MAML2: variants seen among roughly 807,000 people sequenced by gnomAD.
The protein encoded by MAML2 is mastermind like transcriptional coactivator 2.
MAML2 carries 22 observed loss-of-function variants against 96.1 expected under a neutral mutation model. The observed-to-expected ratio is 0.23, with a 90% confidence interval of 0.16 to 0.33. The LOEUF (loss-of-function observed/expected upper bound fraction) is 0.33. Ranked by LOEUF, MAML2 falls within the 10% of genes least tolerant of loss-of-function variation. The probability of loss-of-function intolerance (pLI) is 1.00; values close to 1 mark genes in which losing one functional copy is unlikely to be tolerated. For missense variants in MAML2, 1,367 were observed against 1,392.4 expected (o/e 0.98, Z 0.29); for synonymous variants, 561 against 521.3 (o/e 1.08, Z -1.04).
intron 2 of MAML2, among the ~76,000 whole-genome samples, chr11:96,057,006 G>C (rs1431976972): frequency 6.6e-6 from 1 of 152,192 alleles, no homozygotes; most frequent in Non-Finnish European, 1.5e-5. Context: ...GACTTTCAAT[G>C]ATCTAGTTTC....
intron 2 of MAML2, among the ~76,000 whole-genome samples, chr11:96,046,926 C>T (rs1412087450): frequency 6.6e-6 from 1 of 152,108 alleles, no homozygotes; most frequent in African/African-American, 2.4e-5. Flanking sequence ...AATCATAGTC[C>T]CTACTTTCCA....
At position 96,341,823 on chromosome 11, in the gene MAML2, C is replaced by A; in HGVS notation, c.73G>T (p.Gly25Trp). 6.3e-7 allele frequency: 1 copy of A among 1,588,852 alleles called. No homozygotes were observed. The change falls in exon 1 of 5, where the codon GGG (glycine) becomes TGG (tryptophan). Residue 25 changes from glycine (G) to tryptophan (W), a missense_variant. Gly to Trp is a radical substitution (Grantham distance 184, BLOSUM62 -2). Coordinates refer to ENST00000524717, the MANE Select transcript of MAML2 (RefSeq NM_032427.4). ...GGASGAGLLG[G>W]GSVTPRVHSA... is the part of the protein sequence containing the mutation. ...TGCACTCTCGGGGTGACTGAGCCCCCTCCAAGGAGCCCCGCCCCAGAGGCC... is the reference window on the plus strand; with the variant it reads ...TGCACTCTCGGGGTGACTGAGCCCCATCCAAGGAGCCCCGCCCCAGAGGCC...
At chr11:96,118,203 G>A (rs757189664) in intron 1 of MAML2, among the ~76,000 whole-genome samples, 39 of 152,132 alleles carry the variant, frequency 2.6e-4, no homozygotes, top group Admixed American at 9.8e-4. Flanking sequence ...CTACTTGCAC[G>A]AAAAGACTGT....
chr11:96,002,830 T>G (rs1351370918), intron 2 of MAML2, among the ~76,000 whole-genome samples: 3 of 127,134 alleles, frequency 2.4e-5, no homozygotes, highest in Non-Finnish European at 3.2e-5. Flanking sequence ...ATGAGGAGGA[T>G]GATGGGGATG....
intron 1 of MAML2, among the ~76,000 whole-genome samples, chr11:96,271,750 G>C (rs1487583675): frequency 6.6e-6 from 1 of 152,056 alleles, no homozygotes; most frequent in Non-Finnish European, 1.5e-5. Context: ...CCAGCCTCAG[G>C]TATGTCTTTA....
intron 1 of MAML2, among the ~76,000 whole-genome samples, chr11:96,334,056 C>T (rs984690072): frequency 6.6e-6 from 1 of 152,176 alleles, no homozygotes; most frequent in Non-Finnish European, 1.5e-5. Flanking sequence ...AGAGGTAGTA[C>T]TTGGTCCCAT....
At chr11:96,057,405 C>G (rs981477577) in intron 2 of MAML2, among the ~76,000 whole-genome samples, 3 of 152,148 alleles carry the variant, frequency 2.0e-5, no homozygotes, top group African/African-American at 7.2e-5. Context: ...ATTTATCTAT[C>G]CATCTATTCA....
In MAML2 at chr11:96,341,463, C is replaced by T. The variant is rs1171347801; in HGVS notation, c.433G>A (p.Gly145Ser). The change falls in exon 1 of 5, where the codon GGT (glycine) becomes AGT (serine). Residue 145 changes from glycine to serine, a missense_variant. Coordinates refer to ENST00000524717, the MANE Select transcript of MAML2 (RefSeq NM_032427.4). ...TCTCCGTTTATCCCACCACTGCCAC[C>T]ATTATTGCTACTGTTCAGCAGGTGC... ...QQHLLNSSNN[G>S]GSGGINGEQQ... 1.3e-6 allele frequency: 2 copies of T among 1,551,460 alleles called. No homozygotes were observed. Among genetic ancestry groups the T allele is most frequent in the South Asian group, 1.2e-5 (1 of 84,028 alleles).
chr11:96,155,509 A>AATAC (rs541216405), intron 1 of MAML2, among the ~76,000 whole-genome samples: 1,183 of 74,826 alleles, frequency 0.016, 91 homozygotes, highest in South Asian at 0.02. Flanking sequence ...TAACAATTCA[A>AATAC]ATATATATAT....
rs1857670660 is a variant in MAML2, at chr11:95,977,830, T to A, written c.*1118A>T. ...TGCTCACCCAAATCCAAATAATACG[T>A]CCAATGAAGGACAAATTGTTTTCCC... On this transcript the variant is annotated 3_prime_UTR_variant, in exon 5 of 5. Transcript: ENST00000524717. The A allele has an allele frequency of 4.4e-6, 1 of 226,240 alleles. No individual in the cohort carries two copies. The highest frequency in any genetic ancestry group is 2.2e-5 in the African/African-American group (1 of 45,102). 14.0% of individuals were successfully genotyped at this position (226,240 alleles called of 1,614,324 possible).
chr11:96,202,593 G>A (rs1396826459), intron 1 of MAML2, among the ~76,000 whole-genome samples: 1 of 151,988 alleles, frequency 6.6e-6, no homozygotes, highest in Admixed American at 6.6e-5. Flanking sequence ...CATAGAGATA[G>A]GATCCATTAA....
chr11:96,157,306 C>T (rs1462125555), intron 1 of MAML2, among the ~76,000 whole-genome samples: 1 of 152,328 alleles, frequency 6.6e-6, no homozygotes, highest in East Asian at 1.9e-4. Flanking sequence ...TTAAGAGCTT[C>T]CTCAAACATC....
At chr11:96,100,365 A>C (rs1252526102) in intron 1 of MAML2, among the ~76,000 whole-genome samples, 1 of 150,682 alleles carries the variant, frequency 6.6e-6, no homozygotes, top group Non-Finnish European at 1.5e-5. Context: ...GCTGGAGTGC[A>C]GTGGCACGAT....
chr11:95,980,698 A>C (rs909454015), intron 4 of MAML2, among the ~76,000 whole-genome samples: 5 of 152,180 alleles, frequency 3.3e-5, no homozygotes, highest in Admixed American at 3.3e-4. Context: ...AAGCTCCTCC[A>C]TTAAACTTTC....
chr11:96,291,721 A>T (rs1001256867), intron 1 of MAML2, among the ~76,000 whole-genome samples: 1 of 152,210 alleles, frequency 6.6e-6, no homozygotes, highest in African/African-American at 2.4e-5. Context: ...GGCACGTGTA[A>T]GTATGTGTGT....
chr11:96,108,834 A>C (rs1860071006), intron 1 of MAML2, among the ~76,000 whole-genome samples: 1 of 152,058 alleles, frequency 6.6e-6, no homozygotes, highest in African/African-American at 2.4e-5. Flanking sequence ...GGAGTTCGAG[A>C]CCAGCCTGGG....
chr11:96,211,890 A>G (rs1286005122), intron 1 of MAML2, among the ~76,000 whole-genome samples: 1 of 152,218 alleles, frequency 6.6e-6, no homozygotes, highest in Non-Finnish European at 1.5e-5. Flanking sequence ...GATTAGATAG[A>G]ATGGAGAGAA....
At chr11:96,247,949 A>C (rs1217444992) in intron 1 of MAML2, among the ~76,000 whole-genome samples, 1 of 152,140 alleles carries the variant, frequency 6.6e-6, no homozygotes, top group Non-Finnish European at 1.5e-5. Context: ...GAATACTTGA[A>C]AACTGGCTAG....
intron 1 of MAML2, among the ~76,000 whole-genome samples, chr11:96,277,395 A>G (rs377546808): frequency 6.6e-5 from 10 of 152,106 alleles, no homozygotes; most frequent in African/African-American, 2.4e-4. Flanking sequence ...CTTCTCTTCC[A>G]TTACTTTGAA....
Sources: allele counts gnomAD v4.1 joint callset (sites outside exome capture counted in the v4.1 genomes callset), GRCh38; gene constraint gnomAD v4.1.1; transcripts MANE v1.5; gene names NCBI Gene and HGNC (gene_info 2026-07-23, HGNC 2026-07-21).